KIAA2012: variants seen among roughly 807,000 people sequenced by gnomAD.
KIAA2012 encodes the protein uncharacterized protein KIAA2012.
A neutral mutation model predicts 150.6 loss-of-function variants in KIAA2012; 125 were observed. The ratio of observed to expected loss-of-function variants is 0.83; its 90% confidence interval spans 0.72 to 0.96. The LOEUF is 0.96. KIAA2012 is among the 40% of genes least tolerant of loss of function. The pLI is 0.00. For missense variants in KIAA2012, 1,219 were observed against 1,354.9 expected, an observed-to-expected ratio of 0.90 and a Z score of 1.57; for synonymous variants, 462 against 504.7, an observed-to-expected ratio of 0.92 and a Z score of 1.13.
At position 202,110,629 on chromosome 2, in the gene KIAA2012, A is replaced by T. The variant is rs1690321452; in HGVS notation, c.1651+840A>T. ...AAAGAGGTATCTCTGTTAACAGCAG[A>T]ATCACACTCAGGGCTGTGAGAAGCT... On this transcript the variant is annotated intron_variant, in intron 10 of 23. Transcript: ENST00000498697. Among the ~76,000 whole-genome samples the T allele has an allele frequency of 1.3e-5, 2 of 152,334 alleles. 1 individual carries two copies. Among genetic ancestry groups the T allele is most frequent in the South Asian group, 4.1e-4 (2 of 4,828 alleles).
chr2:202,187,527 G>A (rs563307029), intron 17 of KIAA2012, among the ~76,000 whole-genome samples: 23 of 152,174 alleles, frequency 1.5e-4, no homozygotes, highest in African/African-American at 4.1e-4. Flanking sequence ...GGCTGGTCTC[G>A]AACTCCTGAC....
rs974519968 is a variant in KIAA2012 at position 202,073,364 on chromosome 2, G to A, written c.-264G>A. 1.3e-5 allele frequency: 5 copies of A among 375,222 alleles called. No individual in the cohort carries two copies. Among genetic ancestry groups the A allele is most frequent in the Non-Finnish European group, 2.4e-5 (5 of 205,048 alleles). The allele number at this position is 375,222 out of a possible 1,614,324, so 23.2% of individuals were successfully genotyped here. ...CTCAGGAGAAGGGGAGAGACAGGTCGCCCAGAGAGTAGACAATCCAGGGCT... is the reference window on the plus strand; with the variant it reads ...CTCAGGAGAAGGGGAGAGACAGGTCACCCAGAGAGTAGACAATCCAGGGCT... On this transcript the variant is annotated 5_prime_UTR_variant, in exon 1 of 24. Transcript: ENST00000498697.
intron 16 of KIAA2012, among the ~76,000 whole-genome samples, chr2:202,186,181 T>A (rs1692223147): frequency 6.6e-6 from 1 of 152,180 alleles, no homozygotes; most frequent in South Asian, 2.1e-4. Flanking sequence ...ACACAGCACA[T>A]GACCTTTTAG....
At chr2:202,149,189 C>G (rs918583151) in intron 13 of KIAA2012, among the ~76,000 whole-genome samples, 3 of 152,126 alleles carry the variant, frequency 2.0e-5, no homozygotes, top group Non-Finnish European at 4.4e-5. Flanking sequence ...TCTGTGTGCC[C>G]CTGGGACTCA....
intron 7 of KIAA2012, 85 bp from the exon 8 acceptor site, chr2:202,102,861 A>G: frequency 7.9e-7 from 1 of 1,265,534 alleles, no homozygotes; most frequent in Non-Finnish European, 1.1e-6. Flanking sequence ...TGCAAGAGAT[A>G]CAATAAGAGA....
At chr2:202,203,020 C>T (rs1196170582) in intron 23 of KIAA2012, among the ~76,000 whole-genome samples, 4 of 152,036 alleles carry the variant, frequency 2.6e-5, no homozygotes, top group South Asian at 4.1e-4. Context: ...ATATTCTCTA[C>T]TCTGGAACCT....
At chr2:202,142,082 CAG>C (rs1465792409) in intron 13 of KIAA2012, among the ~76,000 whole-genome samples, 3 of 151,908 alleles carry the variant, frequency 2.0e-5, no homozygotes, top group Non-Finnish European at 4.4e-5. Context: ...AAAGGAGTAA[CAG>C]AAAATAAATA....
rs553957950 is a variant in KIAA2012, at chr2:202,136,345, C to A, written c.1832-2087C>A. ...TAAAGGTGGCGCATCCGGAGTTGTT[C>A]ATTCCTCCTGTCTGGCGTTGTTCGT... On this transcript the variant is annotated intron_variant, in intron 12 of 23. Coordinates refer to ENST00000498697, the MANE Select transcript of KIAA2012 (RefSeq NM_001277372.4). 1.2e-4 allele frequency: 18 copies of A among 154,682 alleles called. 1 individual carries two copies. The South Asian group carries it at 1.4e-3, about 12-fold the overall frequency. The allele number at this position is 154,682 out of a possible 1,614,324, so 9.6% of individuals were successfully genotyped here. A position where few individuals can be genotyped will look rare whatever the true frequency, so the allele number is the denominator to read the frequency against.
chr2:202,142,121 C>T (rs1015611006), intron 13 of KIAA2012, among the ~76,000 whole-genome samples: 4 of 152,066 alleles, frequency 2.6e-5, no homozygotes, highest in Admixed American at 1.3e-4. Context: ...TCTTGATTAA[C>T]AATTTATATG....
At chr2:202,183,023 T>C (rs1692152488) in intron 15 of KIAA2012, among the ~76,000 whole-genome samples, 1 of 152,208 alleles carries the variant, frequency 6.6e-6, no homozygotes, top group South Asian at 2.1e-4. Flanking sequence ...GTCTGGAGAC[T>C]CTTCATTCTA....
chr2:202,084,021 G>A (rs1447644039), intron 2 of KIAA2012, among the ~76,000 whole-genome samples: 1 of 152,144 alleles, frequency 6.6e-6, no homozygotes, highest in Non-Finnish European at 1.5e-5. Context: ...AGGCCTCTAG[G>A]GGAGAAGGTG....
chr2:202,085,818 C>T (rs185799508), intron 2 of KIAA2012, among the ~76,000 whole-genome samples: 5 of 152,260 alleles, frequency 3.3e-5, no homozygotes, highest in Admixed American at 2.0e-4. Flanking sequence ...TTGGCAACTC[C>T]CTGCACCATG....
Position 202,193,362 on chromosome 2 carries a change from C to T in KIAA2012, c.2873C>T (p.Ala958Val), listed in dbSNP as rs954352591. ...TGGGACAGGCTTCGAGCAGAAAGAG[C>T]CGAGATGAGGTGGCTGGAGGTGGAG... is the stretch of plus-strand genomic sequence containing the variant. ...ASWDRLRAER[A>V]EMRWLEVEKK... Residue 958 changes from alanine (A) to valine (V), a missense_variant, in exon 20 of 24, where the codon GCC (alanine) becomes GTC (valine). By Grantham distance (64) the Ala-to-Val change is moderately conservative. Coordinates refer to ENST00000498697, the MANE Select transcript of KIAA2012 (RefSeq NM_001277372.4). The T allele has an allele frequency of 5.2e-6, 8 of 1,550,098 alleles. No homozygotes were observed. The East Asian group carries it at 1.7e-4, about 33-fold the overall frequency.
chr2:202,101,553 T>C (rs1190807893), intron 7 of KIAA2012, among the ~76,000 whole-genome samples: 2 of 152,220 alleles, frequency 1.3e-5, no homozygotes, highest in Non-Finnish European at 2.9e-5. Context: ...AGGAAAGCAA[T>C]ATTTTCCACC....
At chr2:202,171,373 G>C (rs1691888026) in intron 15 of KIAA2012, among the ~76,000 whole-genome samples, 1 of 152,122 alleles carries the variant, frequency 6.6e-6, no homozygotes, top group Non-Finnish European at 1.5e-5. Flanking sequence ...CAGCAGGCGC[G>C]CTGGGAGCAG....
intron 15 of KIAA2012, among the ~76,000 whole-genome samples, chr2:202,184,474 G>A (rs1477220438): frequency 6.6e-6 from 1 of 151,956 alleles, no homozygotes; most frequent in Non-Finnish European, 1.5e-5. Context: ...ATAAATACCA[G>A]GAGTGAGATT....
At chr2:202,199,450 A>AT (rs1692472134) in intron 22 of KIAA2012, among the ~76,000 whole-genome samples, 1 of 151,980 alleles carries the variant, frequency 6.6e-6, no homozygotes, top group Admixed American at 6.6e-5. Context: ...TTATATTTGT[A>AT]TTTTTTATTT....
chr2:202,178,287 A>G (rs1402736359), intron 15 of KIAA2012, among the ~76,000 whole-genome samples: 7 of 152,234 alleles, frequency 4.6e-5, no homozygotes, highest in Non-Finnish European at 5.9e-5. Flanking sequence ...ATGAGTATAC[A>G]GTATTTTTCC....
rs765411247 is a variant in KIAA2012, at chr2:202,186,939, A to C, written c.2217A>C (p.Arg739Ser). The change falls in exon 17 of 24, where the codon AGA becomes AGC. Residue 739 changes from arginine to serine, a missense_variant. Arg to Ser is a moderately radical substitution (Grantham distance 110). Coordinates refer to ENST00000498697, the MANE Select transcript of KIAA2012 (RefSeq NM_001277372.4). Reference sequence around the variant, plus strand: ...TGGTTTGCTCTTTTCAAAGGGGCAGAGATTATGATGTACACCACCTACACA... The same window carrying C: ...TGGTTTGCTCTTTTCAAAGGGGCAGCGATTATGATGTACACCACCTACACA... Reference protein sequence around the residue: ...PEADIVQKVGRDYDVHHLHRG... With the variant: ...PEADIVQKVGSDYDVHHLHRG... 1.3e-5 allele frequency: 20 copies of C among 1,550,340 alleles called. No individual in the cohort carries two copies. Among genetic ancestry groups the C allele is most frequent in the Non-Finnish European group, 1.7e-5 (19 of 1,146,912 alleles).
Sources: gnomAD v4.1 joint callset for allele counts (sites outside exome capture counted in the v4.1 genomes callset) on GRCh38, gnomAD v4.1.1 for gene constraint, MANE v1.5 for transcripts, NCBI Gene and HGNC (gene_info 2026-07-23, HGNC 2026-07-21) for gene names.